AIG1: variants seen among roughly 807,000 people sequenced by gnomAD.
The protein encoded by AIG1 is androgen-induced gene 1 protein.
Under a neutral mutation model 31.4 loss-of-function variants are expected in AIG1, and 23 were observed. That is an observed-to-expected ratio of 0.73 (90% CI 0.53 to 1.04). The LOEUF (loss-of-function observed/expected upper bound fraction) is 1.04, where lower values mean the gene tolerates loss of function less well. Among genes scored for constraint, AIG1 ranks in the 50% least tolerant of loss-of-function variants. The probability of loss-of-function intolerance (pLI) is 0.00; values close to 1 mark genes in which losing one functional copy is unlikely to be tolerated. For missense variants in AIG1, 274 were observed against 295.0 expected (o/e 0.93, Z 0.52); for synonymous variants, 100 against 110.5 (o/e 0.90, Z 0.60).
At chr6:143,068,336 C>T (rs1423334111) in intron 1 of AIG1, among the ~76,000 whole-genome samples, 1 of 152,226 alleles carries the variant, frequency 6.6e-6, no homozygotes, top group Non-Finnish European at 1.5e-5. Context: ...AAAAATCTTA[C>T]TGCTTAGGAT....
chr6:143,113,665 C>T (rs1392006965), intron 1 of AIG1, among the ~76,000 whole-genome samples: 1 of 151,826 alleles, frequency 6.6e-6, no homozygotes, highest in Non-Finnish European at 1.5e-5. Context: ...CATAAGCTGT[C>T]CCTTACGCTA....
intron 1 of AIG1, chr6:143,099,591 T>C (rs1406042790): frequency 6.6e-6 from 1 of 152,340 alleles, no homozygotes; most frequent in Non-Finnish European, 1.5e-5. Flanking sequence ...CCTCCTTTTT[T>C]AGTAGTATAT....
chr6:143,095,152 G>A (rs544695187), intron 1 of AIG1, among the ~76,000 whole-genome samples: 1 of 152,158 alleles, frequency 6.6e-6, no homozygotes, highest in East Asian at 1.9e-4. Flanking sequence ...CTAAAGAAAT[G>A]TTTTCAGAAT....
chr6:143,253,149 G>A (rs1795134997), intron 3 of AIG1, among the ~76,000 whole-genome samples: 1 of 152,140 alleles, frequency 6.6e-6, no homozygotes, highest in Non-Finnish European at 1.5e-5. Context: ...CGCACTCGAG[G>A]GCATGAATAC....
At chr6:143,308,328 T>C (rs1774963170) in intron 4 of AIG1, among the ~76,000 whole-genome samples, 1 of 152,244 alleles carries the variant, frequency 6.6e-6, no homozygotes, top group African/African-American at 2.4e-5. Context: ...AGACCGGAGC[T>C]GTTCCTGTTC....
chr6:143,253,047 A>C (rs1357107705), intron 3 of AIG1, among the ~76,000 whole-genome samples: 15 of 152,242 alleles, frequency 9.9e-5, no homozygotes. Flanking sequence ...CTAGCAAAAC[A>C]GAAGCCACAA....
At chr6:143,308,221 T>C (rs1053886081) in intron 4 of AIG1, among the ~76,000 whole-genome samples, 1 of 152,230 alleles carries the variant, frequency 6.6e-6, no homozygotes, top group African/African-American at 2.4e-5. Flanking sequence ...CACTGTCCTG[T>C]GCCCACTGTC....
intron 4 of AIG1, among the ~76,000 whole-genome samples, chr6:143,316,661 C>G (rs767441088): frequency 2.0e-5 from 3 of 151,496 alleles, no homozygotes; most frequent in Non-Finnish European, 4.4e-5. Flanking sequence ...CAGAGCTGAA[C>G]TAAATGAAAT....
At chr6:143,148,140 G>T (rs1371240679) in intron 2 of AIG1, among the ~76,000 whole-genome samples, 2 of 152,052 alleles carry the variant, frequency 1.3e-5, no homozygotes, top group African/African-American at 2.4e-5. Context: ...CCACAGTTAT[G>T]TGCTGTATAA....
In AIG1 at chr6:143,145,166, A is replaced by G. The variant is rs931809126; in HGVS notation, c.297+8176A>G. Among the ~76,000 whole-genome samples, 67 of 152,100 alleles carry G rather than the reference A, an allele frequency of 4.4e-4. 1 individual carries two copies. The highest frequency in any genetic ancestry group is 1.6e-3 in the African/African-American group (67 of 41,394). The stretch of plus-strand genomic sequence containing the variant: ...CAGCATCCCGAGTAGCTGGGACCAC[A>G]GGTGTGTGCCACCATGCGTGGCTAA... On this transcript the variant is annotated intron_variant, in intron 2 of 5. Transcript: ENST00000357847.
intron 4 of AIG1, among the ~76,000 whole-genome samples, chr6:143,289,050 G>T (rs541839292): frequency 2.6e-5 from 4 of 152,134 alleles, no homozygotes; most frequent in Non-Finnish European, 5.9e-5. Context: ...AGCCTCATAC[G>T]TGGCAGCCTT....
chr6:143,108,507 G>A (rs1223329848), intron 1 of AIG1, among the ~76,000 whole-genome samples: 1 of 152,146 alleles, frequency 6.6e-6, no homozygotes, highest in Non-Finnish European at 1.5e-5. Flanking sequence ...AAACAGAAGG[G>A]CAGTTTGCAG....
At chr6:143,120,727 G>A (rs1312470717) in intron 1 of AIG1, among the ~76,000 whole-genome samples, 8 of 152,220 alleles carry the variant, frequency 5.3e-5, no homozygotes, top group Non-Finnish European at 1.5e-5. Flanking sequence ...TTTCAGTTCA[G>A]CTCTGGGATT....
At chr6:143,101,296 G>A (rs897373185) in intron 1 of AIG1, among the ~76,000 whole-genome samples, 2 of 151,904 alleles carry the variant, frequency 1.3e-5, no homozygotes, top group African/African-American at 4.8e-5. Flanking sequence ...ATCAATTCCA[G>A]TATGAGTAGC....
intron 1 of AIG1, among the ~76,000 whole-genome samples, chr6:143,128,583 G>C (rs55660684): frequency 1.1e-4 from 16 of 152,336 alleles, no homozygotes; most frequent in Non-Finnish European, 1.9e-4. Flanking sequence ...TGCCAGCTCT[G>C]CAGAATGGCT....
chr6:143,333,176 G>A lies in AIG1; in HGVS notation c.516-106G>A. ...AGAAGCGAACTTGAGACTGGCAAAT[G>A]CTGAAGCATGGGGAGAGTGAGGGAG... On this transcript the variant is annotated intron_variant, in intron 4 of 5. Transcript: ENST00000357847. This position sits in a 1 kb window ranked among gnomAD's most constrained non-coding sequence, Gnocchi z 4.6. 8.6e-7 allele frequency: 1 copy of A among 1,159,298 alleles called. No individual in the cohort carries two copies. The highest frequency in any genetic ancestry group is 1.2e-6 in the Non-Finnish European group (1 of 865,506). 71.8% of individuals were successfully genotyped at this position (1,159,298 alleles called of 1,614,324 possible). A position where few individuals can be genotyped will look rare whatever the true frequency, so the allele number is the denominator to read the frequency against.
At chr6:143,305,564 G>C (rs1475730815) in intron 4 of AIG1, among the ~76,000 whole-genome samples, 1 of 152,074 alleles carries the variant, frequency 6.6e-6, no homozygotes, top group African/African-American at 2.4e-5. Context: ...CTGAGTTCTA[G>C]TTTGATTGCA....
intron 1 of AIG1, among the ~76,000 whole-genome samples, chr6:143,075,498 G>A (rs1777655254): frequency 6.6e-6 from 1 of 151,964 alleles, no homozygotes; most frequent in African/African-American, 2.4e-5. Flanking sequence ...TAGGGACGGG[G>A]TTTTGCCATG....
In AIG1 at chr6:143,318,648, AG is replaced by A. The variant is rs544526416; in HGVS notation, c.516-14633del. 5.0e-3 allele frequency among the ~76,000 whole-genome samples: 761 copies of A among 152,302 alleles called. 5 individuals are homozygous for A. The highest frequency in any genetic ancestry group is 8.3e-3 in the Non-Finnish European group (563 of 68,018). ...TAAATAGATGAAACTTAAACTGAAA[AG>A]CTTCTGTACAGGAAAAGAAACAATC... is the stretch of plus-strand genomic sequence containing the variant. On this transcript the variant is annotated intron_variant, in intron 4 of 5. Transcript: ENST00000357847.
Sources: gnomAD v4.1 joint callset for allele counts (sites outside exome capture counted in the v4.1 genomes callset) on GRCh38, gnomAD v4.1.1 for gene constraint, Gnocchi (gnomAD v3.1) non-coding constraint, MANE v1.5 for transcripts, NCBI Gene and HGNC (gene_info 2026-07-23, HGNC 2026-07-21) for gene names.